ZNF423: variants seen among roughly 807,000 people sequenced by gnomAD.
ZNF423 encodes the protein zinc finger protein 423.
ZNF423 carries 12 observed loss-of-function variants against 95.8 expected under a neutral mutation model. The ratio of observed to expected loss-of-function variants is 0.13; its 90% CI spans 0.08 to 0.20. ZNF423 has a LOEUF of 0.20. Among genes scored for constraint, ZNF423 ranks in the 10% least tolerant of loss-of-function variants. The pLI is 1.00. For missense variants in ZNF423, 1,316 were observed against 1,737.1 expected, an observed-to-expected ratio of 0.76 and a Z score of 4.31; for synonymous variants, 749 against 711.9, an observed-to-expected ratio of 1.05 and a Z score of -0.83.
At chr16:49,821,521 G>A (rs185202520) in intron 1 of ZNF423, among the ~76,000 whole-genome samples, 92 of 152,276 alleles carry the variant, frequency 6.0e-4, no homozygotes, top group African/African-American at 2.1e-3. Flanking sequence ...ACCTGGGCTC[G>A]AGGCGTGGTC....
chr16:49,726,149 T>C (rs557629723), intron 3 of ZNF423, among the ~76,000 whole-genome samples: 39 of 152,234 alleles, frequency 2.6e-4, no homozygotes, highest in African/African-American at 8.4e-4. Context: ...GACAGCCCAC[T>C]GTGGACACTC....
intron 1 of ZNF423, among the ~76,000 whole-genome samples, chr16:49,846,574 T>C (rs961019732): frequency 2.6e-5 from 4 of 152,298 alleles, no homozygotes; most frequent in Middle Eastern, 6.8e-3. Context: ...CTGCAGGGGC[T>C]GTCCTGGGCA....
chr16:49,626,099 G>T, intron 5 of ZNF423, 71 bp downstream of exon 5: 2 of 1,468,330 alleles, frequency 1.4e-6, no homozygotes, highest in East Asian at 2.3e-5. Flanking sequence ...CCAGTAAAAT[G>T]ATGATTGGAA....
intron 2 of ZNF423, among the ~76,000 whole-genome samples, chr16:49,777,897 T>C (rs2034146644): frequency 6.6e-6 from 1 of 152,188 alleles, no homozygotes; most frequent in Non-Finnish European, 1.5e-5. Context: ...GTTAAGACAG[T>C]GATAATTGCT....
chr16:49,652,908 T>A lies in ZNF423; in HGVS notation c.302-14034A>T, dbSNP rs571622202. 3.2e-4 allele frequency among the ~76,000 whole-genome samples: 48 copies of A among 152,308 alleles called. 1 individual carries two copies. Among genetic ancestry groups the A allele is most frequent in the Admixed American group, 1.1e-3 (17 of 15,302 alleles). ...CTTGTTTCTACATTTTTCTCACCTG[T>A]AGCAGTGATTAAAATTCATTATAAA... On this transcript the variant is annotated intron_variant, in intron 3 of 7. Transcript: ENST00000563137.
chr16:49,491,415 A>G (rs1283256281), intron 7 of ZNF423, 111 bp from the exon 8 acceptor site: 3 of 1,359,968 alleles, frequency 2.2e-6, no homozygotes, highest in Non-Finnish European at 3.1e-6. Flanking sequence ...TCTCGATTAT[A>G]ACAAAACAAA....
intron 2 of ZNF423, among the ~76,000 whole-genome samples, chr16:49,756,419 A>G (rs1181260602): frequency 1.3e-5 from 2 of 152,204 alleles, no homozygotes; most frequent in African/African-American, 2.4e-5. Flanking sequence ...TGAAAACAGC[A>G]TGAACATCAA....
intron 5 of ZNF423, among the ~76,000 whole-genome samples, chr16:49,573,112 T>C (rs1391018556): frequency 6.6e-6 from 1 of 152,050 alleles, no homozygotes; most frequent in African/African-American, 2.4e-5. Context: ...ATGTGGACGA[T>C]GGATGATGGG....
intron 2 of ZNF423, among the ~76,000 whole-genome samples, chr16:49,771,489 G>A (rs60738616): frequency 0.19 from 28,483 of 152,140 alleles, 2,831 homozygotes; most frequent in East Asian, 0.3. Context: ...ACGGGCATGA[G>A]CCACCAAGTA....
chr16:49,781,242 C>T (rs2034207402), intron 2 of ZNF423, among the ~76,000 whole-genome samples: 2 of 152,230 alleles, frequency 1.3e-5, no homozygotes, highest in Non-Finnish European at 2.9e-5. Flanking sequence ...AGACCACCCA[C>T]ACGAAGATGT....
intron 3 of ZNF423, among the ~76,000 whole-genome samples, chr16:49,689,565 C>A (rs1162619445): frequency 6.6e-6 from 1 of 152,088 alleles, no homozygotes; most frequent in African/African-American, 2.4e-5. Context: ...TCCAGGAGGT[C>A]GAGGGGTGTC....
chr16:49,538,454 C>T (rs1384455349), intron 5 of ZNF423, among the ~76,000 whole-genome samples: 1 of 152,206 alleles, frequency 6.6e-6, no homozygotes, highest in Non-Finnish European at 1.5e-5. Flanking sequence ...GGCCCCACCT[C>T]ATCATGACTG....
intron 2 of ZNF423, among the ~76,000 whole-genome samples, chr16:49,736,465 G>T (rs2143447082): frequency 6.6e-6 from 1 of 152,202 alleles, no homozygotes; most frequent in Admixed American, 6.5e-5. Context: ...GCAAAGAGAG[G>T]CAATAACAAA....
intron 2 of ZNF423, among the ~76,000 whole-genome samples, chr16:49,788,662 A>G (rs1274796305): frequency 6.6e-6 from 1 of 152,178 alleles, no homozygotes; most frequent in Non-Finnish European, 1.5e-5. Flanking sequence ...GCTCCCCCAC[A>G]AATCCAGAAA....
rs1972794656 is a variant in ZNF423 at position 49,637,826 on chromosome 16, T to C, written c.1350A>G (p.Thr450=). 6.2e-7 allele frequency: 1 copy of C among 1,614,108 alleles called. No individual in the cohort carries two copies. The highest frequency in any genetic ancestry group is 8.5e-7 in the Non-Finnish European group (1 of 1,180,018). Residue 450 remains threonine, a synonymous_variant, in exon 4 of 8, where the codon ACA becomes ACG. Transcript: ENST00000563137. This position sits in a 1 kb window ranked among gnomAD's most constrained non-coding sequence, Gnocchi z 5.6. ...IHADKPQQSH[T]CQICLDSMPT... The stretch of plus-strand genomic sequence containing the variant: ...GCATGGAGTCCAGGCAGATCTGACA[T>C]GTGTGGCTCTGCTGGGGCTTGTCCG...
intron 5 of ZNF423, among the ~76,000 whole-genome samples, chr16:49,618,091 C>T (rs1346500035): frequency 6.6e-6 from 1 of 152,210 alleles, no homozygotes; most frequent in East Asian, 1.9e-4. Context: ...CACTCAAGCC[C>T]ACCAAACGTG....
chr16:49,574,073 C>T (rs948967263), intron 5 of ZNF423, among the ~76,000 whole-genome samples: 1 of 152,178 alleles, frequency 6.6e-6, no homozygotes, highest in Non-Finnish European at 1.5e-5. Flanking sequence ...TCAGAATCAG[C>T]TGGAGAGTCT....
At chr16:49,774,687 A>AC (rs906888716) in intron 2 of ZNF423, among the ~76,000 whole-genome samples, 4 of 151,708 alleles carry the variant, frequency 2.6e-5, no homozygotes, top group Non-Finnish European at 4.4e-5. Flanking sequence ...CCAGATGAAG[A>AC]CCCCCAGGCC....
chr16:49,777,038 G>A (rs1365870634), intron 2 of ZNF423, among the ~76,000 whole-genome samples: 1 of 152,022 alleles, frequency 6.6e-6, no homozygotes, highest in Non-Finnish European at 1.5e-5. Flanking sequence ...TGGGTATGTT[G>A]GCAGTGTGAA....
Sources: allele counts gnomAD v4.1 joint callset (sites outside exome capture counted in the v4.1 genomes callset), GRCh38; gene constraint gnomAD v4.1.1; non-coding constraint Gnocchi (gnomAD v3.1); transcripts MANE v1.5; gene names NCBI Gene and HGNC (gene_info 2026-07-23, HGNC 2026-07-21).